Variants in DOK6 observed in about 807,000 individuals in gnomAD.
DOK6 encodes downstream of tyrosine kinase 6.
DOK6 carries 22 observed loss-of-function variants against 44.0 expected under a neutral mutation model. The observed-to-expected ratio is 0.50, with a 90% CI of 0.36 to 0.71. DOK6 has a LOEUF of 0.71. Among genes scored for constraint, DOK6 ranks in the 30% least tolerant of loss-of-function variants. The pLI is 0.00. For synonymous variants in DOK6, 166 were observed against 145.5 expected, an observed-to-expected ratio of 1.14 and a Z score of -1.01; for missense variants, 340 against 416.4, an observed-to-expected ratio of 0.82 and a Z score of 1.60.
intron 1 of DOK6, among the ~76,000 whole-genome samples, chr18:69,447,594 C>G (rs1281597710): frequency 2.0e-5 from 3 of 152,118 alleles, no homozygotes; most frequent in Non-Finnish European, 2.9e-5. Context: ...TTTCATTCAT[C>G]TCCACTATAA....
At chr18:69,797,032 A>G (rs1980766575) in intron 7 of DOK6, among the ~76,000 whole-genome samples, 1 of 152,128 alleles carries the variant, frequency 6.6e-6, no homozygotes, top group African/African-American at 2.4e-5. Flanking sequence ...TCAATCTACT[A>G]ATTTCTTTGA....
chr18:69,523,953 C>T (rs112679964), intron 1 of DOK6, among the ~76,000 whole-genome samples: 7 of 151,882 alleles, frequency 4.6e-5, no homozygotes, highest in African/African-American at 1.4e-4. Flanking sequence ...AAAGCTTTTT[C>T]AAGTTCGTAT....
intron 5 of DOK6, among the ~76,000 whole-genome samples, chr18:69,731,809 TA>T (rs1430008152): frequency 6.6e-6 from 1 of 152,206 alleles, no homozygotes; most frequent in Non-Finnish European, 1.5e-5. Context: ...AAATTCACGT[TA>T]AAAGGAAAGT....
intron 7 of DOK6, among the ~76,000 whole-genome samples, chr18:69,817,051 G>A (rs1438783463): frequency 6.6e-6 from 1 of 152,172 alleles, no homozygotes; most frequent in African/African-American, 2.4e-5. Context: ...AAACACCAAA[G>A]GATGTGCATA....
intron 1 of DOK6, among the ~76,000 whole-genome samples, chr18:69,524,872 C>T (rs1235392292): frequency 6.6e-6 from 1 of 151,746 alleles, no homozygotes; most frequent in Non-Finnish European, 1.5e-5. Context: ...GTCATGTATT[C>T]CTTCCAATTA....
intron 6 of DOK6, among the ~76,000 whole-genome samples, chr18:69,749,505 GT>G (rs1318721332): frequency 6.6e-6 from 1 of 152,100 alleles, no homozygotes; most frequent in Non-Finnish European, 1.5e-5. Flanking sequence ...CATGATTCCA[GT>G]TTTGCTTCCA....
chr18:69,535,971 A>T (rs1012304017), intron 1 of DOK6, among the ~76,000 whole-genome samples: 13 of 152,180 alleles, frequency 8.5e-5, no homozygotes, highest in Non-Finnish European at 1.6e-4. Context: ...GAAATCCAGA[A>T]TTCTGCCAAA....
chr18:69,462,577 TGATA>T (rs1979817366), intron 1 of DOK6, among the ~76,000 whole-genome samples: 1 of 152,234 alleles, frequency 6.6e-6, no homozygotes, highest in Non-Finnish European at 1.5e-5. Context: ...TTGTTGTAAA[TGATA>T]GAAAGCCCCT....
In DOK6 at chr18:69,685,991, A is replaced by G. The variant is rs369696092; in HGVS notation, c.409+8138A>G. Among the ~76,000 whole-genome samples the G allele has an allele frequency of 3.3e-5, 5 of 152,156 alleles. No homozygotes were observed. In the East Asian group the frequency reaches 7.7e-4, roughly 23 times the overall value. On this transcript the variant is annotated intron_variant, in intron 4 of 7. Transcript: ENST00000382713. ...TTGAAGTCCTAACCCCTGGTACCTC[A>G]GAATGTGATAGTACTTGTAGGTAGT...
At chr18:69,578,840 G>A (rs1053551866) in intron 2 of DOK6, among the ~76,000 whole-genome samples, 3 of 151,744 alleles carry the variant, frequency 2.0e-5, no homozygotes, top group Non-Finnish European at 2.9e-5. Flanking sequence ...CAATATTTCA[G>A]TGAGAAATTA....
chr18:69,627,435 T>G (rs112073207), intron 3 of DOK6, among the ~76,000 whole-genome samples: 2,918 of 152,156 alleles, frequency 0.019, 87 homozygotes, highest in African/African-American at 0.067. Context: ...TCCTAAACTT[T>G]CTTATTTTTA....
At chr18:69,466,485 A>G (rs1979930802) in intron 1 of DOK6, among the ~76,000 whole-genome samples, 1 of 152,152 alleles carries the variant, frequency 6.6e-6, no homozygotes, top group African/African-American at 2.4e-5. Flanking sequence ...GAGAGTGCAG[A>G]GTTATCCCCG....
chr18:69,752,250 A>AT (rs1345461457), intron 6 of DOK6, among the ~76,000 whole-genome samples: 3 of 152,108 alleles, frequency 2.0e-5, no homozygotes, highest in Admixed American at 6.5e-5. Context: ...ATAAAAATGT[A>AT]TTTTTTTAAA....
chr18:69,740,978 C>G (rs1243987889), intron 6 of DOK6, among the ~76,000 whole-genome samples: 1 of 152,148 alleles, frequency 6.6e-6, no homozygotes, highest in South Asian at 2.1e-4. Flanking sequence ...TTTCTCGTGT[C>G]CTGTGCCACT....
rs60662789 is a variant in DOK6 at position 69,694,058 on chromosome 18, C to CAAAAAAAA, written c.410-4321_410-4314dup. On this transcript the variant is annotated intron_variant, in intron 4 of 7. Coordinates refer to ENST00000382713, the MANE Select transcript of DOK6 (RefSeq NM_152721.6). ...TGGGCGACAGAGCGAGACTCCGTGTCAAAAAAAAAAAAAAAAAAAAAAAAA... is the reference window on the plus strand; with the variant it reads ...TGGGCGACAGAGCGAGACTCCGTGTCAAAAAAAAAAAAAAAAAAAAAAAAAAAAAAAAA... Among the ~76,000 whole-genome samples the CAAAAAAAA allele has an allele frequency of 1.8e-4, 11 of 62,004 alleles. No individual in the cohort carries two copies. In the East Asian group the frequency reaches 2.1e-3, roughly 12 times the overall value. The allele number at this position is 62,004 out of a possible 152,430, so 40.7% of individuals were successfully genotyped here.
intron 7 of DOK6, among the ~76,000 whole-genome samples, chr18:69,796,333 A>C (rs1440174019): frequency 6.6e-6 from 1 of 152,166 alleles, no homozygotes; most frequent in Non-Finnish European, 1.5e-5. Context: ...GTCTGTCTGC[A>C]ACGATAATAG....
At chr18:69,607,593 T>C (rs1984033120) in intron 3 of DOK6, among the ~76,000 whole-genome samples, 1 of 152,180 alleles carries the variant, frequency 6.6e-6, no homozygotes, top group Non-Finnish European at 1.5e-5. Context: ...TAGTTCCTAC[T>C]TGGATGTCAA....
chr18:69,669,345 C>T (rs546686431), intron 3 of DOK6, among the ~76,000 whole-genome samples: 61 of 152,326 alleles, frequency 4.0e-4, no homozygotes, highest in African/African-American at 1.3e-3. Flanking sequence ...AAAGTGAGAA[C>T]ATGCAATATT....
intron 5 of DOK6, among the ~76,000 whole-genome samples, chr18:69,714,337 C>T (rs996888895): frequency 3.9e-5 from 6 of 152,232 alleles, no homozygotes; most frequent in South Asian, 2.1e-4. Flanking sequence ...AATGCACACC[C>T]GAAGGCAGAA....
Sources: allele counts gnomAD v4.1 joint callset (sites outside exome capture counted in the v4.1 genomes callset), GRCh38; gene constraint gnomAD v4.1.1; transcripts MANE v1.5; gene names NCBI Gene and HGNC (gene_info 2026-07-23, HGNC 2026-07-21).